The following DSCAM variants were observed in gnomAD, a reference collection of about 807,000 sequenced individuals.
DSCAM encodes cell adhesion molecule DSCAM.
DSCAM carries 47 observed loss-of-function variants against 217.7 expected under a neutral mutation model. That is an observed-to-expected ratio of 0.22 (90% CI 0.17 to 0.28). DSCAM has a LOEUF of 0.28. Among genes scored for constraint, DSCAM ranks in the 10% least tolerant of loss-of-function variants. The pLI is 1.00. For missense variants in DSCAM, 2,080 were observed against 2,618.3 expected (o/e 0.79, Z 4.49); for synonymous variants, 1,056 against 1,015.3 (o/e 1.04, Z -0.76).
chr21:40,762,833 A>G (rs2091348672), intron 1 of DSCAM, among the ~76,000 whole-genome samples: 2 of 152,234 alleles, frequency 1.3e-5, no homozygotes, highest in Admixed American at 1.3e-4. Flanking sequence ...AACAGAACCA[A>G]TGACAAAAAA....
intron 1 of DSCAM, among the ~76,000 whole-genome samples, chr21:40,730,389 T>C (rs745955612): frequency 1.3e-5 from 2 of 152,166 alleles, no homozygotes; most frequent in Non-Finnish European, 2.9e-5. Context: ...CTTCTCAAAA[T>C]AAAATTGAGT....
chr21:40,269,861 TG>T (rs1264657563), intron 11 of DSCAM, among the ~76,000 whole-genome samples: 77 of 152,204 alleles, frequency 5.1e-4, no homozygotes, highest in African/African-American at 1.8e-3. Flanking sequence ...ATACCTGCAA[TG>T]TGCAAGTACG....
chr21:40,063,378 T>C (rs927680541), intron 27 of DSCAM, among the ~76,000 whole-genome samples: 2 of 152,142 alleles, frequency 1.3e-5, no homozygotes, highest in Non-Finnish European at 2.9e-5. Context: ...TAGATGTTTA[T>C]TTTGAATTCA....
Position 40,338,231 on chromosome 21 carries a change from C to T in DSCAM, c.1653G>A (p.Val551=), listed in dbSNP as rs760233349. ...SNLLPFNHRQ[V]AFENNGTLKL... is the part of the protein sequence containing the mutation. ...TAAGAGTTCCATTGTTCTCAAATGC[C>T]ACTTGGCGGTGGTTGAAAGGAAGCA... is the stretch of plus-strand genomic sequence containing the variant. Residue 551 remains valine (V), a synonymous_variant, in exon 8 of 33, where the codon GTG becomes GTA. Coordinates refer to ENST00000400454, the MANE Select transcript of DSCAM (RefSeq NM_001389.5). 6.2e-7 allele frequency: 1 copy of T among 1,614,240 alleles called. No individual in the cohort carries two copies. Among genetic ancestry groups the T allele is most frequent in the South Asian group, 1.1e-5 (1 of 91,086 alleles).
In DSCAM at chr21:40,637,624, CATATATAAATATATATAAATATATATCTA is replaced by C. The variant is rs1568955310; in HGVS notation, c.508+55157_508+55185del. Among the ~76,000 whole-genome samples, 317 of 33,264 alleles carry C rather than the reference CATATATAAATATATATAAATATATATCTA, an allele frequency of 9.5e-3. 22 individuals carry two copies. The highest frequency in any genetic ancestry group is 0.033 in the African/African-American group (299 of 9,152). 21.8% of individuals were successfully genotyped at this position (33,264 alleles called of 152,430 possible). A position where few individuals can be genotyped will look rare whatever the true frequency, so the allele number is the denominator to read the frequency against. On this transcript the variant is annotated intron_variant, in intron 3 of 32. Transcript: ENST00000400454. ...ATATATAAATATATATAAATATATA[CATATATAAATATATATAAATATATATCTA>C]TATATATATATATAAATTTTTTTCT...
chr21:40,609,665 G>C (rs2089287759), intron 3 of DSCAM, among the ~76,000 whole-genome samples: 1 of 152,204 alleles, frequency 6.6e-6, no homozygotes, highest in African/African-American at 2.4e-5. Context: ...GACTCAGGAA[G>C]GGGAGAGCAT....
chr21:40,583,175 G>T (rs1407834039), intron 3 of DSCAM, among the ~76,000 whole-genome samples: 3 of 152,192 alleles, frequency 2.0e-5, no homozygotes, highest in Non-Finnish European at 2.9e-5. Flanking sequence ...TTTTATAAAT[G>T]TAAGGCAAAA....
At chr21:40,524,973 G>A (rs369240884) in intron 3 of DSCAM, among the ~76,000 whole-genome samples, 46 of 137,138 alleles carry the variant, frequency 3.4e-4, no homozygotes, top group Middle Eastern at 9.0e-3. Context: ...TCATGCCACT[G>A]CATTCCAGCC....
At chr21:40,697,638 G>C (rs1412114125) in intron 2 of DSCAM, among the ~76,000 whole-genome samples, 1 of 152,128 alleles carries the variant, frequency 6.6e-6, no homozygotes, top group Non-Finnish European at 1.5e-5. Context: ...AAAATGATTT[G>C]GGTATAAGCG....
At chr21:40,514,943 G>A (rs2076288163) in intron 3 of DSCAM, among the ~76,000 whole-genome samples, 1 of 152,150 alleles carries the variant, frequency 6.6e-6, no homozygotes, top group Admixed American at 6.5e-5. Flanking sequence ...AAAAGGAAAA[G>A]CTAAACTAAT....
chr21:40,223,939 C>T (rs1316837443), intron 11 of DSCAM, among the ~76,000 whole-genome samples: 2 of 152,192 alleles, frequency 1.3e-5, no homozygotes, highest in Non-Finnish European at 2.9e-5. Context: ...CCCTACCCCA[C>T]CCCACATGCT....
At chr21:40,170,285 G>A (rs538465308) in intron 15 of DSCAM, among the ~76,000 whole-genome samples, 3 of 152,282 alleles carry the variant, frequency 2.0e-5, no homozygotes, top group African/African-American at 2.4e-5. Flanking sequence ...ATATGTTTGC[G>A]TGTCTGTCTT....
In DSCAM at chr21:40,080,040, G is replaced by A. The variant is rs2089431333; in HGVS notation, c.4420+112C>T. ...GCACTGCTGAAGCCATGTGAGGAAT[G>A]ACAAAGTTCAAACACATAAACGTAA... On this transcript the variant is annotated intron_variant, in intron 25 of 32. Coordinates refer to ENST00000400454, the MANE Select transcript of DSCAM (RefSeq NM_001389.5). The A allele has an allele frequency of 3.2e-5, 33 of 1,039,704 alleles. 1 individual carries two copies. In the South Asian group the frequency reaches 5.2e-4, roughly 16 times the overall value. 64.4% of individuals were successfully genotyped at this position (1,039,704 alleles called of 1,614,324 possible).
chr21:40,682,585 A>AAGAGAGAGAGAAAGAG (rs1555880004), intron 3 of DSCAM, among the ~76,000 whole-genome samples: 20 of 98,318 alleles, frequency 2.0e-4, no homozygotes, highest in Admixed American at 2.6e-4. Flanking sequence ...AGAAGAGAGA[A>AAGAGAGAGAGAAAGAG]AGAGAGAGAG....
At chr21:40,843,895 GT>G (rs1173779798) in intron 1 of DSCAM, among the ~76,000 whole-genome samples, 1 of 139,392 alleles carries the variant, frequency 7.2e-6, no homozygotes, top group Non-Finnish European at 1.5e-5. Context: ...GAAAAATATT[GT>G]TGTCTACTGT....
At chr21:40,416,682 G>T (rs1391286926) in intron 3 of DSCAM, among the ~76,000 whole-genome samples, 1 of 152,048 alleles carries the variant, frequency 6.6e-6, no homozygotes, top group Non-Finnish European at 1.5e-5. Flanking sequence ...TGAGTTGATA[G>T]AATTATTAAA....
chr21:40,132,991 A>G (rs2090169455), intron 19 of DSCAM, among the ~76,000 whole-genome samples: 2 of 152,220 alleles, frequency 1.3e-5, no homozygotes, highest in African/African-American at 2.4e-5. Flanking sequence ...AGTTGCAGAG[A>G]CAATCCAGCA....
chr21:40,505,325 T>C (rs1398914024), intron 3 of DSCAM, among the ~76,000 whole-genome samples: 1 of 152,210 alleles, frequency 6.6e-6, no homozygotes, highest in Non-Finnish European at 1.5e-5. Context: ...ATAGAGTTAT[T>C]TCCATGTAGT....
chr21:40,118,979 C>T (rs1175540261), intron 20 of DSCAM, among the ~76,000 whole-genome samples: 3 of 152,114 alleles, frequency 2.0e-5, no homozygotes, highest in African/African-American at 4.8e-5. Flanking sequence ...GTGCTTGGAG[C>T]GTTTACCTGC....
Sources: allele counts gnomAD v4.1 joint callset (sites outside exome capture counted in the v4.1 genomes callset), GRCh38; gene constraint gnomAD v4.1.1; transcripts MANE v1.5; gene names NCBI Gene and HGNC (gene_info 2026-07-23, HGNC 2026-07-21).